Variants in LRRC4C observed in about 807,000 individuals in gnomAD.
The protein encoded by LRRC4C is leucine rich repeat containing 4C.
Under a neutral mutation model 33.6 loss-of-function variants are expected in LRRC4C, and 5 were observed. That is an observed-to-expected ratio of 0.15 (90% CI 0.08 to 0.31). LRRC4C has a LOEUF of 0.31. Among genes scored for constraint, LRRC4C ranks in the 10% least tolerant of loss-of-function variants. The probability of loss-of-function intolerance (pLI) is 1.00; values close to 1 mark genes in which losing one functional copy is unlikely to be tolerated. For synonymous variants in LRRC4C, 329 were observed against 302.0 expected (o/e 1.09, Z -0.93); for missense variants, 560 against 796.7 (o/e 0.70, Z 3.58).
chr11:41,406,087 G>A (rs1252234770), intron 1 of LRRC4C, among the ~76,000 whole-genome samples: 1 of 139,230 alleles, frequency 7.2e-6, no homozygotes, highest in South Asian at 2.2e-4. Flanking sequence ...GGAGTAAAAA[G>A]GATGAAAGAG....
At chr11:41,287,115 T>C (rs920842333) in intron 1 of LRRC4C, among the ~76,000 whole-genome samples, 3 of 152,186 alleles carry the variant, frequency 2.0e-5, no homozygotes, top group Non-Finnish European at 2.9e-5. Context: ...ATTAAATTAA[T>C]GACAGAGCAT....
In LRRC4C at chr11:40,664,337, G is replaced by A. The variant is rs905387070; in HGVS notation, c.-406-16059C>T. Among the ~76,000 whole-genome samples the A allele has an allele frequency of 7.9e-5, 12 of 152,262 alleles. No homozygotes were observed. In the South Asian group the frequency reaches 2.5e-3, roughly 32 times the overall value. On this transcript the variant is annotated intron_variant, in intron 2 of 6. Transcript: ENST00000528697. ...AGGCAGGTGGATCGCCTGAGGTCAG[G>A]AGTTCGAGACCAGCCTGGCCAACAT...
chr11:41,104,328 TA>T (rs751805272), intron 1 of LRRC4C, among the ~76,000 whole-genome samples: 6 of 151,822 alleles, frequency 4.0e-5, no homozygotes, highest in Non-Finnish European at 7.4e-5. Flanking sequence ...CACCAAAGAA[TA>T]AATACAAATG....
intron 1 of LRRC4C, among the ~76,000 whole-genome samples, chr11:41,237,882 A>G (rs1255809914): frequency 6.6e-6 from 1 of 152,164 alleles, no homozygotes; most frequent in Non-Finnish European, 1.5e-5. Context: ...GCTTCCCACA[A>G]ATAAAACCTA....
chr11:40,524,670 C>T (rs1955964913), intron 3 of LRRC4C, among the ~76,000 whole-genome samples: 1 of 152,128 alleles, frequency 6.6e-6, no homozygotes, highest in Non-Finnish European at 1.5e-5. Flanking sequence ...ATTTCTGTAT[C>T]TTCATAACCT....
chr11:40,589,143 T>G (rs1591198223), intron 3 of LRRC4C, among the ~76,000 whole-genome samples: 1 of 152,198 alleles, frequency 6.6e-6, no homozygotes, highest in African/African-American at 2.4e-5. Flanking sequence ...AGGACTTGCT[T>G]TATGAATCTG....
At chr11:41,118,577 G>A (rs184624145) in intron 1 of LRRC4C, among the ~76,000 whole-genome samples, 52 of 152,228 alleles carry the variant, frequency 3.4e-4, no homozygotes, top group African/African-American at 1.2e-3. Flanking sequence ...CATTACGATA[G>A]TCAATTCATT....
intron 4 of LRRC4C, chr11:40,292,110 G>C (rs1357856735): frequency 6.6e-6 from 1 of 151,738 alleles, no homozygotes; most frequent in Non-Finnish European, 1.5e-5. Context: ...AACACCAAAG[G>C]GGGAGAGAGG....
At chr11:41,314,969 A>C (rs1950744839) in intron 1 of LRRC4C, among the ~76,000 whole-genome samples, 1 of 152,166 alleles carries the variant, frequency 6.6e-6, no homozygotes, top group African/African-American at 2.4e-5. Context: ...AACTGGACTG[A>C]TCTTGAGCAA....
intron 3 of LRRC4C, among the ~76,000 whole-genome samples, chr11:40,517,698 G>T (rs1955620627): frequency 6.6e-6 from 1 of 151,704 alleles, no homozygotes; most frequent in Non-Finnish European, 1.5e-5. Context: ...TAGATTCAAT[G>T]CTATCCCCAT....
chr11:41,174,572 T>C (rs1442012742), intron 1 of LRRC4C, among the ~76,000 whole-genome samples: 1 of 152,134 alleles, frequency 6.6e-6, no homozygotes, highest in Non-Finnish European at 1.5e-5. Context: ...AATTCTGCTC[T>C]GTTTTCCAGG....
chr11:41,102,809 A>G (rs1482833118), intron 1 of LRRC4C, among the ~76,000 whole-genome samples: 3 of 152,028 alleles, frequency 2.0e-5, no homozygotes, highest in Admixed American at 6.6e-5. Context: ...GTTCTGCCAC[A>G]TAAGTTAAGG....
chr11:40,328,662 G>C (rs1278226131), intron 3 of LRRC4C, among the ~76,000 whole-genome samples: 1 of 152,132 alleles, frequency 6.6e-6, no homozygotes. Context: ...TTAAAAATTA[G>C]TAATCTCACA....
chr11:40,316,790 T>G (rs1277849118), intron 4 of LRRC4C, among the ~76,000 whole-genome samples: 1 of 151,952 alleles, frequency 6.6e-6, no homozygotes, highest in Non-Finnish European at 1.5e-5. Flanking sequence ...CACTATGATG[T>G]GATTTGGTTA....
At chr11:40,243,196 G>A (rs898232162) in intron 4 of LRRC4C, among the ~76,000 whole-genome samples, 5 of 152,090 alleles carry the variant, frequency 3.3e-5, no homozygotes, top group African/African-American at 9.7e-5. Flanking sequence ...AGTTTTATGT[G>A]TTCAAATTGG....
intron 2 of LRRC4C, among the ~76,000 whole-genome samples, chr11:40,745,868 T>C (rs991062908): frequency 3.9e-5 from 6 of 152,170 alleles, no homozygotes; most frequent in African/African-American, 1.4e-4. Context: ...AAAAGAATAA[T>C]GCTTTTAAAA....
At position 40,236,779 on chromosome 11, in the gene LRRC4C, T is replaced by C. The variant is rs1042409553; in HGVS notation, c.-96+4740A>G. Among the ~76,000 whole-genome samples the C allele has an allele frequency of 5.3e-5, 8 of 152,144 alleles. No homozygotes were observed. In the South Asian group the frequency reaches 1.7e-3, roughly 31 times the overall value. On this transcript the variant is annotated intron_variant, in intron 5 of 6. Coordinates refer to ENST00000528697, the MANE Select transcript of LRRC4C (RefSeq NM_001258419.2). ...CCCTGGAGAACAGCAAGGCCCACAG[T>C]AGACTCTGCATACACAGAAAAATAA... is the stretch of plus-strand genomic sequence containing the variant.
chr11:41,076,741 A>G (rs1939179701), intron 1 of LRRC4C, among the ~76,000 whole-genome samples: 1 of 152,080 alleles, frequency 6.6e-6, no homozygotes, highest in South Asian at 2.1e-4. Context: ...TTCAAAACCA[A>G]TCATGCCTTT....
intron 1 of LRRC4C, among the ~76,000 whole-genome samples, chr11:41,432,440 G>C (rs1955271780): frequency 6.6e-6 from 1 of 152,052 alleles, no homozygotes; most frequent in East Asian, 1.9e-4. Context: ...TTAAAGCAAT[G>C]CTTTCCTGGG....
Sources: allele counts gnomAD v4.1 joint callset (sites outside exome capture counted in the v4.1 genomes callset), GRCh38; gene constraint gnomAD v4.1.1; transcripts MANE v1.5; gene names NCBI Gene and HGNC (gene_info 2026-07-23, HGNC 2026-07-21).